ERC2: variants seen among roughly 807,000 people sequenced by gnomAD.
ERC2 encodes the protein ERC protein 2.
ERC2 carries 42 observed loss-of-function variants against 114.8 expected under a neutral mutation model. The ratio of observed to expected loss-of-function variants is 0.37; its 90% CI spans 0.29 to 0.47. The LOEUF (loss-of-function observed/expected upper bound fraction) is 0.47, where lower values mean the gene tolerates loss of function less well. ERC2 is among the 20% of genes least tolerant of loss of function. ERC2 has a pLI of 0.99. For missense variants in ERC2, 939 were observed against 1,150.7 expected (o/e 0.82, Z 2.66); for synonymous variants, 454 against 425.5 (o/e 1.07, Z -0.82).
At chr3:56,393,884 C>A (rs553907109) in intron 2 of ERC2, among the ~76,000 whole-genome samples, 2 of 152,088 alleles carry the variant, frequency 1.3e-5, no homozygotes, top group African/African-American at 4.8e-5. Flanking sequence ...CATCTCTTGA[C>A]CCCCTGATCA....
chr3:55,680,193 T>C (rs1201238745), intron 17 of ERC2, among the ~76,000 whole-genome samples: 2 of 152,252 alleles, frequency 1.3e-5, no homozygotes, highest in Non-Finnish European at 2.9e-5. Context: ...ATGCCACATC[T>C]GTATTTTTAT....
At chr3:56,096,703 T>TACACTTAC (rs1265271243) in intron 6 of ERC2, among the ~76,000 whole-genome samples, 3 of 152,188 alleles carry the variant, frequency 2.0e-5, no homozygotes, top group Non-Finnish European at 4.4e-5. Context: ...TATATATTAT[T>TACACTTAC]ACACTTACAT....
chr3:56,302,981 A>G (rs1217541908), intron 2 of ERC2, among the ~76,000 whole-genome samples: 1 of 152,248 alleles, frequency 6.6e-6, no homozygotes, highest in Non-Finnish European at 1.5e-5. Flanking sequence ...ATGGCAAAAC[A>G]GCTAATTCTC....
intron 2 of ERC2, among the ~76,000 whole-genome samples, chr3:56,407,694 C>T (rs901851320): frequency 1.3e-5 from 2 of 152,160 alleles, no homozygotes; most frequent in African/African-American, 4.8e-5. Flanking sequence ...CCTGACTGCA[C>T]ATTAGAGTCA....
intron 1 of ERC2, among the ~76,000 whole-genome samples, chr3:56,444,207 G>A (rs78876358): frequency 0.099 from 14,806 of 150,230 alleles, 926 homozygotes; most frequent in East Asian, 0.31. Context: ...TCCTGACCTC[G>A]TGATCTGCTG....
intron 14 of ERC2, among the ~76,000 whole-genome samples, chr3:55,787,969 G>C (rs1223610384): frequency 6.6e-6 from 1 of 152,154 alleles, no homozygotes; most frequent in Admixed American, 6.5e-5. Flanking sequence ...TAGTATTATT[G>C]ACTAAGTAGC....
chr3:55,887,521 G>T (rs1040745921), intron 14 of ERC2, among the ~76,000 whole-genome samples: 25 of 152,172 alleles, frequency 1.6e-4, no homozygotes, highest in African/African-American at 6.0e-4. Context: ...GTGGAGGGAA[G>T]TTAGATTTAA....
At chr3:56,184,985 TG>T (rs1430074692) in intron 3 of ERC2, 1 of 152,232 alleles carries the variant, frequency 6.6e-6, no homozygotes, top group African/African-American at 2.4e-5. Context: ...CACTGGCCTT[TG>T]TCCCTCTCAT....
chr3:56,260,524 C>T (rs1356666521), intron 3 of ERC2, among the ~76,000 whole-genome samples: 1 of 152,214 alleles, frequency 6.6e-6, no homozygotes. Flanking sequence ...CTGTTACCCA[C>T]CCAGAGCTGT....
chr3:55,634,513 A>C (rs985248606), intron 17 of ERC2, among the ~76,000 whole-genome samples: 4 of 152,240 alleles, frequency 2.6e-5, no homozygotes, highest in African/African-American at 9.6e-5. Flanking sequence ...CGTAAAAGCC[A>C]GCATTCTTCC....
intron 17 of ERC2, among the ~76,000 whole-genome samples, chr3:55,654,018 C>T (rs985941173): frequency 3.3e-5 from 5 of 152,210 alleles, no homozygotes; most frequent in African/African-American, 1.2e-4. Flanking sequence ...TTGCTCTTTG[C>T]ATCCAAGAAG....
chr3:55,728,592 G>C (rs575553048), intron 15 of ERC2, among the ~76,000 whole-genome samples: 1 of 152,146 alleles, frequency 6.6e-6, no homozygotes, highest in African/African-American at 2.4e-5. Context: ...CAGCAGTAAG[G>C]ACTGGGGGGT....
At chr3:55,651,549 G>A (rs1479706086) in intron 17 of ERC2, among the ~76,000 whole-genome samples, 2 of 152,088 alleles carry the variant, frequency 1.3e-5, no homozygotes, top group Non-Finnish European at 2.9e-5. Flanking sequence ...TGGGTCTTTC[G>A]CTTCTCTGAA....
intron 15 of ERC2, among the ~76,000 whole-genome samples, chr3:55,709,123 G>A (rs1029679178): frequency 6.6e-6 from 1 of 152,046 alleles, no homozygotes; most frequent in Non-Finnish European, 1.5e-5. Flanking sequence ...TCGGGGTATC[G>A]CCTAACAGAA....
intron 3 of ERC2, among the ~76,000 whole-genome samples, chr3:56,273,325 T>C (rs1319803729): frequency 6.7e-6 from 1 of 148,526 alleles, no homozygotes; most frequent in Non-Finnish European, 1.5e-5. Context: ...ACAGTGGTGA[T>C]CATAGCTCAC....
intron 17 of ERC2, among the ~76,000 whole-genome samples, chr3:55,622,515 C>T (rs867930839): frequency 6.6e-6 from 1 of 152,062 alleles, no homozygotes; most frequent in African/African-American, 2.4e-5. Context: ...TATATCATAG[C>T]ATTTGAAATT....
At chr3:55,768,134 C>A (rs563425218) in intron 14 of ERC2, among the ~76,000 whole-genome samples, 1 of 152,310 alleles carries the variant, frequency 6.6e-6, no homozygotes, top group Admixed American at 6.5e-5. Context: ...GAGGTCTCCC[C>A]AGCCATGCTT....
rs544350421 is a variant in ERC2, at chr3:56,191,473, T to C, written c.1075-17953A>G. Among the ~76,000 whole-genome samples, 14 of 152,226 alleles carry C rather than the reference T, an allele frequency of 9.2e-5. No individual in the cohort carries two copies. The East Asian group carries it at 2.7e-3, about 29-fold the overall frequency. On this transcript the variant is annotated intron_variant, in intron 3 of 17. Coordinates refer to ENST00000288221, the MANE Select transcript of ERC2 (RefSeq NM_015576.3). The stretch of plus-strand genomic sequence containing the variant: ...GTTTAGGTCTTCTTCATGGTCTCTC[T>C]CACACAACCTTCACTCACAACTCCA...
chr3:56,441,592 T>C (rs964237347), intron 1 of ERC2, among the ~76,000 whole-genome samples: 1 of 152,230 alleles, frequency 6.6e-6, no homozygotes, highest in African/African-American at 2.4e-5. Context: ...AAGCTCTTAC[T>C]TCCCTAGGAT....
Sources: gnomAD v4.1 joint callset for allele counts (sites outside exome capture counted in the v4.1 genomes callset) on GRCh38, gnomAD v4.1.1 for gene constraint, MANE v1.5 for transcripts, NCBI Gene and HGNC (gene_info 2026-07-23, HGNC 2026-07-21) for gene names.